The following MIA3 variants were observed in gnomAD, a reference collection of about 807,000 sequenced individuals.
The protein encoded by MIA3 is transport and Golgi organization protein 1 homolog.
A neutral mutation model predicts 192.4 loss-of-function variants in MIA3; 90 were observed. The observed-to-expected ratio is 0.47, with a 90% confidence interval of 0.39 to 0.56. The LOEUF is 0.56. Ranked by LOEUF, MIA3 falls within the 20% of genes least tolerant of loss-of-function variation. The probability of loss-of-function intolerance (pLI) is 0.00; values close to 1 mark genes in which losing one functional copy is unlikely to be tolerated. For missense variants in MIA3, 2,123 were observed against 2,269.4 expected (o/e 0.94, Z 1.31); for synonymous variants, 740 against 792.8 (o/e 0.93, Z 1.12).
chr1:222,619,254 A>G (rs1219586252), intron 1 of MIA3, among the ~76,000 whole-genome samples: 2 of 152,210 alleles, frequency 1.3e-5, no homozygotes, highest in African/African-American at 2.4e-5. Flanking sequence ...TCGCCGGACC[A>G]GGATCATTTT....
At position 222,621,169 on chromosome 1, in the gene MIA3, C is replaced by T. The variant is rs770696457; in HGVS notation, c.144C>T (p.Tyr48=). The change falls in exon 2 of 28, where the codon TAC becomes TAT. Residue 48 remains tyrosine (Y), a synonymous_variant. Transcript: ENST00000344922. ...TCTCTTTATATACAGTGTTAATGTA[C>T]CGCGGTGAGGCTCTTGAAGATTTCA... The part of the protein sequence containing the change: ...CADDECSMLM[Y]RGEALEDFTG... 1 of 1,611,236 alleles carries T rather than the reference C, an allele frequency of 6.2e-7. No individual in the cohort carries two copies. The highest frequency in any genetic ancestry group is 8.5e-7 in the Non-Finnish European group (1 of 1,178,980).
Position 222,628,178 on chromosome 1 carries a change from G to A in MIA3, c.958G>A (p.Glu320Lys), listed in dbSNP as rs1440831245. ...EYYAVGKEDE[E>K]NQEDFDELPL... Reference sequence around the variant, plus strand: ...TTATGCAGTTGGAAAGGAAGATGAGGAGAACCAAGAAGACTTTGATGAGTT... The same window carrying A: ...TTATGCAGTTGGAAAGGAAGATGAGAAGAACCAAGAAGACTTTGATGAGTT... The change falls in exon 4 of 28, where the codon GAG becomes AAG. Residue 320 changes from glutamate to lysine, a missense_variant. Physicochemically the swap from Glu to Lys is moderately conservative, Grantham distance 56 (BLOSUM62 1). Around this residue, in one of 3 missense-constraint regions of MIA3, gnomAD observed 1,357 missense variants for 1,396.1 expected, o/e 0.97. Transcript: ENST00000344922. 6.2e-7 allele frequency: 1 copy of A among 1,613,910 alleles called. No homozygotes were observed. Among genetic ancestry groups the A allele is most frequent in the Non-Finnish European group, 8.5e-7 (1 of 1,180,026 alleles).
intron 18 of MIA3, among the ~76,000 whole-genome samples, chr1:222,655,361 G>C (rs1190971347): frequency 2.0e-5 from 3 of 152,150 alleles, no homozygotes; most frequent in Non-Finnish European, 4.4e-5. Flanking sequence ...CAAATTTCGA[G>C]CGAGGTACCT....
chr1:222,637,758 A>G lies in MIA3; in HGVS notation c.3477+4509A>G, dbSNP rs141889087. Among the ~76,000 whole-genome samples the G allele has an allele frequency of 4.1e-4, 60 of 147,562 alleles. 1 individual carries two copies. Among genetic ancestry groups the G allele is most frequent in the Middle Eastern group, 3.6e-3 (1 of 274 alleles). Reference sequence around the variant, plus strand: ...CAGGCTGGAGTGCAGTGGTGTGATCATGGCTCACTGCAGCCTCGACCTCTC... The same window carrying G: ...CAGGCTGGAGTGCAGTGGTGTGATCGTGGCTCACTGCAGCCTCGACCTCTC... On this transcript the variant is annotated intron_variant, in intron 6 of 27. Coordinates refer to ENST00000344922, the MANE Select transcript of MIA3 (RefSeq NM_198551.4).
At position 222,632,175 on chromosome 1, in the gene MIA3, A is replaced by G; in HGVS notation, c.3180A>G (p.Pro1060=). 1.2e-6 allele frequency: 2 copies of G among 1,614,082 alleles called. No individual in the cohort carries two copies. Among genetic ancestry groups the G allele is most frequent in the African/African-American group, 1.3e-5 (1 of 75,024 alleles). Residue 1060 remains proline, a synonymous_variant, in exon 5 of 28, where the codon CCA becomes CCG. Coordinates refer to ENST00000344922, the MANE Select transcript of MIA3 (RefSeq NM_198551.4). Reference sequence around the variant, plus strand: ...TTCTTCTCACCCTAGAGATGCAACCACTGCATGAAGATAATTTCTCACGAG... The same window carrying G: ...TTCTTCTCACCCTAGAGATGCAACCGCTGCATGAAGATAATTTCTCACGAG... ...GLGGAMEEMQ[P]LHEDNFSREK... is the part of the protein sequence containing the mutation.
chr1:222,619,437 T>G (rs917111858), intron 1 of MIA3, among the ~76,000 whole-genome samples: 8 of 152,358 alleles, frequency 5.3e-5, no homozygotes, highest in Non-Finnish European at 1.0e-4. Flanking sequence ...AATTTCATAA[T>G]ATGAACTGTT....
intron 6 of MIA3, among the ~76,000 whole-genome samples, chr1:222,643,763 CCCTTCCCCGCAG>C (rs1374306590): frequency 6.6e-6 from 1 of 151,834 alleles, no homozygotes; most frequent in Non-Finnish European, 1.5e-5. Context: ...AGACTCCCTC[CCCTTCCCCGCAG>C]CCACCATCTA....
chr1:222,634,495 A>T (rs554610201), intron 6 of MIA3, among the ~76,000 whole-genome samples: 1 of 152,294 alleles, frequency 6.6e-6, no homozygotes, highest in African/African-American at 2.4e-5. Flanking sequence ...TCTTAGAAAG[A>T]GTCACTTATG....
At position 222,629,934 on chromosome 1, in the gene MIA3, A is replaced by G; in HGVS notation, c.2714A>G (p.His905Arg). The change falls in exon 4 of 28, where the codon CAC becomes CGC. Residue 905 changes from histidine (H) to arginine (R), a missense_variant. This residue lies in a region of MIA3 where 1,357 missense variants were observed against 1,396.1 expected (regional missense o/e 0.97). Coordinates refer to ENST00000344922, the MANE Select transcript of MIA3 (RefSeq NM_198551.4). ...GCAGAACCTGAAGATGACTCGTTCCACTGGACTCCACATACAAGTGTAGAG... is the reference window on the plus strand; with the variant it reads ...GCAGAACCTGAAGATGACTCGTTCCGCTGGACTCCACATACAAGTGTAGAG... ...AAAEPEDDSFHWTPHTSVEPG... is the reference protein window; with the variant it reads ...AAAEPEDDSFRWTPHTSVEPG... 1 of 1,614,162 alleles carries G rather than the reference A, an allele frequency of 6.2e-7. No individual in the cohort carries two copies. Among genetic ancestry groups the G allele is most frequent in the Non-Finnish European group, 8.5e-7 (1 of 1,180,034 alleles).
At position 222,659,801 on chromosome 1, in the gene MIA3, A is replaced by G; in HGVS notation, c.4874A>G (p.Lys1625Arg). Residue 1625 changes from lysine (K) to arginine (R), a missense_variant and splice_region_variant, in exon 22 of 28, where the codon AAA (lysine) becomes AGA (arginine). Transcript: ENST00000344922. The stretch of plus-strand genomic sequence containing the variant: ...AGGGAAGCTGCCAATTTGAGACACA[A>G]GTATGTGGATTTTGATGGCTATATT... The part of the protein sequence containing the change: ...EKREAANLRH[K>R]LLELTQKMAM... The G allele has an allele frequency of 6.2e-7, 1 of 1,614,014 alleles. No individual in the cohort carries two copies. The highest frequency in any genetic ancestry group is 8.5e-7 in the Non-Finnish European group (1 of 1,179,926).
At chr1:222,625,577 C>T (rs760371133) in intron 3 of MIA3, among the ~76,000 whole-genome samples, 10 of 152,130 alleles carry the variant, frequency 6.6e-5, no homozygotes, top group Non-Finnish European at 1.2e-4. Context: ...GTGATTTAAG[C>T]GATTATAGTT....
chr1:222,630,599 G>A (rs1239019197), intron 4 of MIA3, among the ~76,000 whole-genome samples: 1 of 152,196 alleles, frequency 6.6e-6, no homozygotes, highest in Non-Finnish European at 1.5e-5. Flanking sequence ...GAATAGTTGA[G>A]ACTGGTTAGC....
In MIA3 at chr1:222,652,820, G is replaced by A. The variant is rs371155000; in HGVS notation, c.4087-188G>A. ...ATAAACAAGATCAATTTCCTTGATAGCTCTGATGTTCTCACTACAGCTCTG... is the reference window on the plus strand; with the variant it reads ...ATAAACAAGATCAATTTCCTTGATAACTCTGATGTTCTCACTACAGCTCTG... On this transcript the variant is annotated intron_variant, in intron 13 of 27. Coordinates refer to ENST00000344922, the MANE Select transcript of MIA3 (RefSeq NM_198551.4). Among the ~76,000 whole-genome samples, 17 of 152,312 alleles carry A rather than the reference G, an allele frequency of 1.1e-4. No homozygotes were observed. In the East Asian group the frequency reaches 2.3e-3, roughly 21 times the overall value.
chr1:222,631,792 T>C (rs1662408421), intron 4 of MIA3, among the ~76,000 whole-genome samples: 1 of 152,192 alleles, frequency 6.6e-6, no homozygotes, highest in Non-Finnish European at 1.5e-5. Flanking sequence ...GAGAAAGGCA[T>C]GCTAGGGTAT....
At chr1:222,648,632 C>A (rs1289868079) in intron 7 of MIA3, among the ~76,000 whole-genome samples, 197 bp from the exon 8 acceptor site, 1 of 152,152 alleles carries the variant, frequency 6.6e-6, no homozygotes, top group Non-Finnish European at 1.5e-5. Context: ...ATCTGTCAGA[C>A]CACAACATAT....
At position 222,666,130 on chromosome 1, in the gene MIA3, ATTTG is replaced by A. The variant is rs1272540036; in HGVS notation, c.*515_*518del. The A allele has an allele frequency of 6.6e-6, 1 of 152,190 alleles. No individual in the cohort carries two copies. Among genetic ancestry groups the A allele is most frequent in the Non-Finnish European group, 1.5e-5 (1 of 68,060 alleles). 9.4% of individuals were successfully genotyped at this position (152,190 alleles called of 1,614,324 possible). A position where few individuals can be genotyped will look rare whatever the true frequency, so the allele number is the denominator to read the frequency against. Reference sequence around the variant, plus strand: ...TTCTTTGTAGTAATAGCTCATAAAAATTTGTTTATTAATATTTCCCAAGTGTCTG... The same window carrying A: ...TTCTTTGTAGTAATAGCTCATAAAAATTTATTAATATTTCCCAAGTGTCTG... On this transcript the variant is annotated 3_prime_UTR_variant, in exon 28 of 28. Transcript: ENST00000344922.
At chr1:222,632,142 C>T in intron 4 of MIA3, 23 bp from the exon 5 acceptor site, 1 of 1,610,734 alleles carries the variant, frequency 6.2e-7, no homozygotes, top group Non-Finnish European at 8.5e-7. Context: ...CTGTGCTAGC[C>T]CAGTGTATTC....
chr1:222,661,944 G>C (rs1664035310), intron 24 of MIA3, 112 bp from the exon 25 acceptor site: 5 of 739,190 alleles, frequency 6.8e-6, no homozygotes, highest in Non-Finnish European at 1.1e-5. Context: ...ATAAATATTG[G>C]GAGACCCATT....
At chr1:222,645,861 A>G in intron 7 of MIA3, 176 bp downstream of exon 7, 1 of 557,258 alleles carries the variant, frequency 1.8e-6, no homozygotes. Flanking sequence ...AGTGAATAAG[A>G]CAACATGTAT....
Sources: allele counts gnomAD v4.1 joint callset (sites outside exome capture counted in the v4.1 genomes callset), GRCh38; gene constraint gnomAD v4.1.1; regional missense constraint gnomAD v4.1.1; transcripts MANE v1.5; gene names NCBI Gene and HGNC (gene_info 2026-07-23, HGNC 2026-07-21).